Variants in ZHX1 observed in about 807,000 individuals in gnomAD.
The protein encoded by ZHX1 is zinc fingers and homeoboxes protein 1.
A neutral mutation model predicts 61.8 loss-of-function variants in ZHX1; 20 were observed. The ratio of observed to expected loss-of-function variants is 0.32; its 90% CI spans 0.23 to 0.47. ZHX1 has a LOEUF of 0.47. Among genes scored for constraint, ZHX1 ranks in the 20% least tolerant of loss-of-function variants. The pLI is 1.00. For missense variants in ZHX1, 800 were observed against 1,034.8 expected (o/e 0.77, Z 3.11); for synonymous variants, 318 against 352.6 (o/e 0.90, Z 1.10).
At chr8:123,259,982 C>A (rs62521854) in intron 2 of ZHX1, among the ~76,000 whole-genome samples, 52 of 152,006 alleles carry the variant, frequency 3.4e-4, no homozygotes, top group African/African-American at 1.2e-3. Flanking sequence ...AGTGAAACCC[C>A]GTCTCTACTA....
At chr8:123,253,118 C>T (rs1825964176) in intron 3 of ZHX1, 2 of 440,538 alleles carry the variant, frequency 4.5e-6, no homozygotes, top group Admixed American at 8.0e-5. Context: ...ATAATTAAGA[C>T]ATTAAACTCT....
Position 123,255,793 on chromosome 8 carries a change from C to A in ZHX1, c.154G>T (p.Val52Phe), listed in dbSNP as rs779775993. 6.2e-7 allele frequency: 1 copy of A among 1,614,076 alleles called. No individual in the cohort carries two copies. The highest frequency in any genetic ancestry group is 1.1e-5 in the South Asian group (1 of 91,084). ...TTGTCTGAATCCACAGATTCATGAACCTCTTCATCACTTGAGATACTCTCT... is the reference window on the plus strand; with the variant it reads ...TTGTCTGAATCCACAGATTCATGAAACTCTTCATCACTTGAGATACTCTCT... ...RAESISSDEE[V>F]HESVDSDNQQ... The change falls in exon 3 of 4, where the codon GTT becomes TTT. Residue 52 changes from valine (V) to phenylalanine (F), a missense_variant. Val to Phe is a conservative substitution (Grantham distance 50, BLOSUM62 -1). Transcript: ENST00000395571.
intron 2 of ZHX1, among the ~76,000 whole-genome samples, chr8:123,261,227 AATT>A (rs1282513990): frequency 6.6e-6 from 1 of 152,236 alleles, no homozygotes; most frequent in Non-Finnish European, 1.5e-5. Context: ...GTATCCTCGG[AATT>A]ATTATTATAA....
intron 1 of ZHX1, among the ~76,000 whole-genome samples, chr8:123,273,109 A>T (rs894283228): frequency 6.6e-6 from 1 of 151,852 alleles, no homozygotes; most frequent in South Asian, 2.1e-4. Context: ...GCTGTCTCTC[A>T]TTGACGCCTT....
chr8:123,266,593 T>G (rs1826467665), intron 2 of ZHX1, among the ~76,000 whole-genome samples: 1 of 152,092 alleles, frequency 6.6e-6, no homozygotes, highest in Non-Finnish European at 1.5e-5. Context: ...TCAGATAAAA[T>G]ATAAAAACAA....
intron 1 of ZHX1, chr8:123,273,807 G>C (rs545271743): frequency 6.5e-6 from 1 of 152,828 alleles, no homozygotes; most frequent in South Asian, 2.1e-4. Flanking sequence ...CCTCCGCTGG[G>C]AATACGCAGT....
rs1826029388 is a variant in ZHX1 at position 123,255,002 on chromosome 8, T to G, written c.945A>C (p.Thr315=). The stretch of plus-strand genomic sequence containing the variant: ...TATATTTTGCTTGAGCAGAAAGAAC[T>G]GTAATTTCTGACATTGTTGGGTAAG... The part of the protein sequence containing the change: ...KFPYPTMSEI[T]VLSAQAKYTE... Residue 315 remains threonine (T), a synonymous_variant, in exon 3 of 4, where the codon ACA becomes ACC. Coordinates refer to ENST00000395571, the MANE Select transcript of ZHX1 (RefSeq NM_007222.5). The G allele has an allele frequency of 1.9e-6, 3 of 1,614,184 alleles. No homozygotes were observed. The highest frequency in any genetic ancestry group is 2.5e-6 in the Non-Finnish European group (3 of 1,180,018).
intron 3 of ZHX1, among the ~76,000 whole-genome samples, chr8:123,251,733 T>C (rs1825924250): frequency 6.6e-6 from 1 of 152,166 alleles, no homozygotes; most frequent in South Asian, 2.1e-4. Flanking sequence ...TTTCTGACAT[T>C]AGGAAATGGA....
intron 2 of ZHX1, among the ~76,000 whole-genome samples, chr8:123,257,484 T>A (rs28551580): frequency 5.8e-4 from 89 of 152,336 alleles, no homozygotes; most frequent in African/African-American, 2.1e-3. Context: ...TTCCTTAGGT[T>A]AGGACACTTG....
chr8:123,266,852 TAC>T (rs556052756), intron 2 of ZHX1, among the ~76,000 whole-genome samples: 88 of 152,144 alleles, frequency 5.8e-4, no homozygotes, highest in Non-Finnish European at 1.0e-3. Flanking sequence ...GTTTTGAAAA[TAC>T]AGTTTCAGAA....
intron 1 of ZHX1, among the ~76,000 whole-genome samples, chr8:123,273,245 A>G (rs1029495220): frequency 6.6e-6 from 1 of 152,220 alleles, no homozygotes; most frequent in East Asian, 1.9e-4. Flanking sequence ...GTACTAAAAC[A>G]AAGAATTGCC....
intron 1 of ZHX1, among the ~76,000 whole-genome samples, chr8:123,272,541 A>G (rs543367620): frequency 2.0e-5 from 3 of 152,238 alleles, no homozygotes; most frequent in Non-Finnish European, 4.4e-5. Context: ...ATCGATGGGT[A>G]TACTAGGGCC....
chr8:123,266,158 T>C (rs1826448386), intron 2 of ZHX1, among the ~76,000 whole-genome samples: 1 of 152,226 alleles, frequency 6.6e-6, no homozygotes, highest in Non-Finnish European at 1.5e-5. Flanking sequence ...AAATCTCTTA[T>C]CTTGTGAAGA....
intron 2 of ZHX1, among the ~76,000 whole-genome samples, chr8:123,265,314 G>T (rs992612291): frequency 6.6e-6 from 1 of 151,826 alleles, no homozygotes; most frequent in Non-Finnish European, 1.5e-5. Context: ...GAATCCCTTG[G>T]AATCTGCATT....
chr8:123,258,660 T>G (rs1452191738), intron 2 of ZHX1, among the ~76,000 whole-genome samples: 3 of 152,096 alleles, frequency 2.0e-5, no homozygotes, highest in Non-Finnish European at 4.4e-5. Context: ...AAGAGGAAAA[T>G]AGTCCTACAA....
intron 2 of ZHX1, among the ~76,000 whole-genome samples, chr8:123,263,898 C>T (rs1482724481): frequency 6.6e-6 from 1 of 152,024 alleles, no homozygotes; most frequent in Non-Finnish European, 1.5e-5. Flanking sequence ...CTTCATTAAA[C>T]ACTCATTTAT....
intron 1 of ZHX1, among the ~76,000 whole-genome samples, chr8:123,269,199 G>A (rs1044742486): frequency 2.0e-5 from 3 of 152,152 alleles, no homozygotes; most frequent in African/African-American, 7.2e-5. Context: ...TTTCCAAAAT[G>A]AATTATTAAT....
rs1826035669 is a variant in ZHX1 at position 123,255,217 on chromosome 8, G to A, written c.730C>T (p.Pro244Ser). Residue 244 changes from proline to serine, a missense_variant, in exon 3 of 4, where the codon CCA becomes TCA. Physicochemically the swap from Pro to Ser is moderately conservative, Grantham distance 74. Transcript: ENST00000395571. Reference protein sequence around the residue: ...TSTSIVNRIHPSTASTVVTPA... With the variant: ...TSTSIVNRIHSSTASTVVTPA... Reference sequence around the variant, plus strand: ...GTCACTACCGTGCTGGCAGTACTTGGATGTATTCTGTTTACAATGGAAGTA... The same window carrying A: ...GTCACTACCGTGCTGGCAGTACTTGAATGTATTCTGTTTACAATGGAAGTA... 1.9e-6 allele frequency: 3 copies of A among 1,614,074 alleles called. No individual in the cohort carries two copies. Among genetic ancestry groups the A allele is most frequent in the South Asian group, 1.1e-5 (1 of 91,084 alleles).
chr8:123,264,956 A>G (rs1826405953), intron 2 of ZHX1, among the ~76,000 whole-genome samples: 1 of 150,054 alleles, frequency 6.7e-6, no homozygotes, highest in Admixed American at 6.6e-5. Context: ...TGGGAGGCCG[A>G]GGCGGGTGGA....
Sources: gnomAD v4.1 joint callset for allele counts (sites outside exome capture counted in the v4.1 genomes callset) on GRCh38, gnomAD v4.1.1 for gene constraint, MANE v1.5 for transcripts, NCBI Gene and HGNC (gene_info 2026-07-23, HGNC 2026-07-21) for gene names.